Variants in UACA observed in about 807,000 individuals in gnomAD.
The protein encoded by UACA is nuclear membrane binding protein.
A neutral mutation model predicts 160.5 loss-of-function variants in UACA; 112 were observed. The observed-to-expected ratio is 0.70, with a 90% CI of 0.60 to 0.82. The LOEUF (loss-of-function observed/expected upper bound fraction) is 0.82, where lower values mean the gene tolerates loss of function less well. Among genes scored for constraint, UACA ranks in the 40% least tolerant of loss-of-function variants. UACA has a pLI of 0.00. For missense variants in UACA, 1,574 were observed against 1,614.6 expected (o/e 0.97, Z 0.43); for synonymous variants, 557 against 568.4 (o/e 0.98, Z 0.29).
At chr15:70,675,385 G>C (rs1415228456) in intron 13 of UACA, among the ~76,000 whole-genome samples, 1 of 152,144 alleles carries the variant, frequency 6.6e-6, no homozygotes, top group Non-Finnish European at 1.5e-5. Context: ...TGAAAATTCA[G>C]TCACATAAAT....
At chr15:70,749,627 A>G (rs1231215601) in intron 1 of UACA, among the ~76,000 whole-genome samples, 2 of 141,682 alleles carry the variant, frequency 1.4e-5, no homozygotes, top group Non-Finnish European at 3.0e-5. Flanking sequence ...TGAACCCAGG[A>G]GGCGGAGCTT....
chr15:70,685,528 AT>A (rs1897680250), intron 7 of UACA, among the ~76,000 whole-genome samples: 1 of 152,164 alleles, frequency 6.6e-6, no homozygotes, highest in South Asian at 2.1e-4. Flanking sequence ...AGTTTTTGTT[AT>A]TTAAAAAATG....
At position 70,669,228 on chromosome 15, in the gene UACA, C is replaced by T. The variant is rs1246027586; in HGVS notation, c.1456G>A (p.Glu486Lys). 1 of 1,614,038 alleles carries T rather than the reference C, an allele frequency of 6.2e-7. No homozygotes were observed. ...ALALECERVK[E>K]DSDEQIKQLE... ...TGCTTTATCTGTTCATCTGAATCCT[C>T]CTTGACCCTTTCACATTCTAATGCT... Residue 486 changes from glutamate to lysine, a missense_variant, in exon 16 of 19, where the codon GAG (glutamate) becomes AAG (lysine). Coordinates refer to ENST00000322954, the MANE Select transcript of UACA (RefSeq NM_018003.4).
intron 16 of UACA, among the ~76,000 whole-genome samples, chr15:70,666,256 G>A (rs952507878): frequency 4.6e-5 from 7 of 152,146 alleles, no homozygotes; most frequent in African/African-American, 1.7e-4. Context: ...TGGGTGAGGG[G>A]ATGTAGACTT....
At chr15:70,694,952 T>C (rs1049833254) in intron 3 of UACA, 65 bp downstream of exon 3, 1 of 1,256,352 alleles carries the variant, frequency 8.0e-7, no homozygotes, top group African/African-American at 1.5e-5. Context: ...TGAATAAAAA[T>C]GTTAGCAGTG....
In UACA at chr15:70,761,631, C is replaced by T. The variant is rs373432656; in HGVS notation, c.78+1699G>A. On this transcript the variant is annotated intron_variant, in intron 1 of 18. Coordinates refer to ENST00000322954, the MANE Select transcript of UACA (RefSeq NM_018003.4). ...ATTACGCTTTTATTTTTAAATTGTA[C>T]AGAACTTATTCTAATATTTAAACAG... Among the ~76,000 whole-genome samples the T allele has an allele frequency of 8.5e-5, 13 of 152,222 alleles. No homozygotes were observed. The East Asian group carries it at 1.7e-3, about 20-fold the overall frequency.
rs182620278 is a variant in UACA, at chr15:70,746,039, G to T, written c.78+17291C>A. ...CTAAAACCATAAAAACCCTAGAAGA[G>T]AATCTAGGCAATACCATTCAAGATA... On this transcript the variant is annotated intron_variant, in intron 1 of 18. Coordinates refer to ENST00000322954, the MANE Select transcript of UACA (RefSeq NM_018003.4). 2.6e-5 allele frequency among the ~76,000 whole-genome samples: 4 copies of T among 152,176 alleles called. No individual in the cohort carries two copies. In the East Asian group the frequency reaches 7.7e-4, roughly 29 times the overall value.
At chr15:70,755,562 C>T (rs755983668) in intron 1 of UACA, among the ~76,000 whole-genome samples, 8 of 151,546 alleles carry the variant, frequency 5.3e-5, no homozygotes, top group Non-Finnish European at 5.9e-5. Context: ...ACCAGCTACT[C>T]GGGAGGCTGA....
At chr15:70,754,319 T>C (rs1194819039) in intron 1 of UACA, 2 of 323,210 alleles carry the variant, frequency 6.2e-6, no homozygotes, top group Non-Finnish European at 1.2e-5. Context: ...GTATGTACTT[T>C]GAGTACCCGT....
At chr15:70,715,114 A>G (rs1216349524) in intron 1 of UACA, among the ~76,000 whole-genome samples, 1 of 152,166 alleles carries the variant, frequency 6.6e-6, no homozygotes, top group Non-Finnish European at 1.5e-5. Context: ...ATTTTTTGAA[A>G]AGTGTATTCG....
chr15:70,694,783 C>A (rs1265996573), intron 3 of UACA, among the ~76,000 whole-genome samples: 1 of 152,096 alleles, frequency 6.6e-6, no homozygotes, highest in Non-Finnish European at 1.5e-5. Context: ...CTAGGACCTG[C>A]ACTAGAATTC....
At chr15:70,757,939 G>A (rs1451613388) in intron 1 of UACA, among the ~76,000 whole-genome samples, 2 of 152,090 alleles carry the variant, frequency 1.3e-5, no homozygotes. Context: ...TCTTCGAAGA[G>A]GACCTAATTA....
intron 1 of UACA, among the ~76,000 whole-genome samples, chr15:70,762,134 C>A (rs1037752079): frequency 2.0e-5 from 3 of 152,044 alleles, no homozygotes; most frequent in Non-Finnish European, 4.4e-5. Flanking sequence ...ACATCAATTA[C>A]GTCATCTGAA....
chr15:70,695,738 T>G (rs1898105428), intron 2 of UACA, among the ~76,000 whole-genome samples: 1 of 152,180 alleles, frequency 6.6e-6, no homozygotes, highest in South Asian at 2.1e-4. Context: ...TGAACAGGAA[T>G]AACTGAATAA....
intron 18 of UACA, among the ~76,000 whole-genome samples, chr15:70,658,092 A>C (rs149845251): frequency 1.3e-5 from 2 of 152,318 alleles, no homozygotes; most frequent in African/African-American, 4.8e-5. Flanking sequence ...TGTCTCCTAA[A>C]AAAATTTAAA....
chr15:70,670,377 C>T (rs1261764610), intron 15 of UACA, among the ~76,000 whole-genome samples: 2 of 152,126 alleles, frequency 1.3e-5, no homozygotes, highest in East Asian at 3.9e-4. Context: ...ATGCAAACCC[C>T]AAAACCAAGC....
At chr15:70,773,593 G>A in the UACA span, among the ~76,000 whole-genome samples, 3 of 152,150 alleles carry the variant, frequency 2.0e-5, no homozygotes, top group Non-Finnish European at 4.4e-5. Flanking sequence ...GTCATCCGCA[G>A]TAACAGGATA....
intron 1 of UACA, among the ~76,000 whole-genome samples, chr15:70,757,507 T>C (rs1173514368): frequency 2.0e-5 from 3 of 152,190 alleles, no homozygotes; most frequent in African/African-American, 7.2e-5. Context: ...ATATACTAAT[T>C]ACATCATCCC....
At chr15:70,745,893 A>G (rs1899694229) in intron 1 of UACA, among the ~76,000 whole-genome samples, 1 of 152,170 alleles carries the variant, frequency 6.6e-6, no homozygotes, top group Admixed American at 6.6e-5. Context: ...TGGTGTTGGG[A>G]AAACTGGCTA....
Sources: gnomAD v4.1 joint callset for allele counts (sites outside exome capture counted in the v4.1 genomes callset) on GRCh38, gnomAD v4.1.1 for gene constraint, MANE v1.5 for transcripts, NCBI Gene and HGNC (gene_info 2026-07-23, HGNC 2026-07-21) for gene names.